LMBR1: variants seen among roughly 807,000 people sequenced by gnomAD.
LMBR1 encodes limb development membrane protein 1, also known as limb region 1 protein homolog.
LMBR1 carries 52 observed loss-of-function variants against 73.9 expected under a neutral mutation model. That is an observed-to-expected ratio of 0.70 (90% CI 0.56 to 0.89). The LOEUF (loss-of-function observed/expected upper bound fraction) is 0.89, where lower values mean the gene tolerates loss of function less well. Among genes scored for constraint, LMBR1 ranks in the 40% least tolerant of loss-of-function variants. LMBR1 has a pLI of 0.00. For missense variants in LMBR1, 539 were observed against 579.8 expected (o/e 0.93, Z 0.72); for synonymous variants, 215 against 209.4 (o/e 1.03, Z -0.23).
In LMBR1 at chr7:156,711,612, G is replaced by T. The variant is rs1319214978; in HGVS notation, c.1225+12500C>A. On this transcript the variant is annotated intron_variant, in intron 15 of 16. Coordinates refer to ENST00000353442, the MANE Select transcript of LMBR1 (RefSeq NM_022458.4). ...ACCTAACTTCAAATTATACAACAAG[G>T]ATACAGTAACCATAAGAGTATGGTA... Among the ~76,000 whole-genome samples the T allele has an allele frequency of 2.6e-5, 4 of 151,994 alleles. No homozygotes were observed. In the East Asian group the frequency reaches 7.7e-4, roughly 29 times the overall value.
intron 1 of LMBR1, among the ~76,000 whole-genome samples, chr7:156,859,714 G>A (rs764014415): frequency 5.9e-5 from 9 of 152,228 alleles, no homozygotes; most frequent in East Asian, 3.9e-4. Context: ...TTGTTAACAC[G>A]TCAGTTCTAC....
intron 1 of LMBR1, among the ~76,000 whole-genome samples, chr7:156,853,318 C>T (rs925589992): frequency 1.3e-5 from 2 of 151,862 alleles, no homozygotes; most frequent in Non-Finnish European, 2.9e-5. Context: ...GTAATAAGCA[C>T]ATTCCTTTCT....
At chr7:156,735,069 C>T (rs879298674) in intron 9 of LMBR1, among the ~76,000 whole-genome samples, 4 of 152,182 alleles carry the variant, frequency 2.6e-5, no homozygotes, top group African/African-American at 4.8e-5. Context: ...CCACTAGAAA[C>T]AGTGTTGCAA....
At chr7:156,744,586 T>C (rs1819518038) in intron 9 of LMBR1, among the ~76,000 whole-genome samples, 1 of 152,208 alleles carries the variant, frequency 6.6e-6, no homozygotes. Context: ...ACTTCACGTC[T>C]ATTTTTCATT....
intron 1 of LMBR1, among the ~76,000 whole-genome samples, chr7:156,838,768 T>C (rs1838120297): frequency 6.6e-6 from 1 of 152,154 alleles, no homozygotes; most frequent in South Asian, 2.1e-4. Context: ...GGCAGCTCTA[T>C]TTTTAATTTT....
At chr7:156,863,195 A>G (rs1437036439) in intron 1 of LMBR1, among the ~76,000 whole-genome samples, 1 of 152,188 alleles carries the variant, frequency 6.6e-6, no homozygotes, top group African/African-American at 2.4e-5. Flanking sequence ...AAGGTCCCAC[A>G]ATAGGCCGTC....
At chr7:156,772,941 T>A (rs771141796) in intron 5 of LMBR1, among the ~76,000 whole-genome samples, 1 of 152,126 alleles carries the variant, frequency 6.6e-6, no homozygotes, top group Non-Finnish European at 1.5e-5. Context: ...GCAGATGATA[T>A]AATTTCATAT....
chr7:156,877,530 A>T (rs1239124204), intron 1 of LMBR1, among the ~76,000 whole-genome samples: 1 of 152,186 alleles, frequency 6.6e-6, no homozygotes, highest in Non-Finnish European at 1.5e-5. Context: ...CCAAAAACAT[A>T]TCAAAAAGGT....
intron 5 of LMBR1, among the ~76,000 whole-genome samples, chr7:156,767,036 T>G (rs1464037897): frequency 6.6e-6 from 1 of 152,194 alleles, no homozygotes; most frequent in Non-Finnish European, 1.5e-5. Context: ...CGCGCCTTGC[T>G]TAACGGTGTG....
chr7:156,721,155 T>G (rs1233363206), intron 15 of LMBR1, among the ~76,000 whole-genome samples: 2 of 152,106 alleles, frequency 1.3e-5, no homozygotes, highest in African/African-American at 4.8e-5. Flanking sequence ...CAAATTGTAT[T>G]TGGACACTAA....
At chr7:156,743,889 C>T (rs1243404112) in intron 9 of LMBR1, among the ~76,000 whole-genome samples, 3 of 152,168 alleles carry the variant, frequency 2.0e-5, no homozygotes, top group African/African-American at 7.2e-5. Context: ...CCCACCCATG[C>T]CCCCAACTCC....
chr7:156,770,193 C>CT (rs965948858), intron 5 of LMBR1, among the ~76,000 whole-genome samples: 5 of 151,348 alleles, frequency 3.3e-5, no homozygotes, highest in South Asian at 2.1e-4. Context: ...GTATGTCTAT[C>CT]TTTTTTTTTA....
chr7:156,720,669 T>C (rs920845887), intron 15 of LMBR1, among the ~76,000 whole-genome samples: 1 of 151,490 alleles, frequency 6.6e-6, no homozygotes, highest in Non-Finnish European at 1.5e-5. Context: ...TAAAGTTAAA[T>C]AATAAAGTTA....
chr7:156,793,380 A>T (rs536796248), intron 5 of LMBR1, among the ~76,000 whole-genome samples: 29 of 152,354 alleles, frequency 1.9e-4, no homozygotes, highest in African/African-American at 6.3e-4. Flanking sequence ...GAAAAATATG[A>T]ATATTTTAAA....
chr7:156,853,999 A>C (rs988557086), intron 1 of LMBR1, among the ~76,000 whole-genome samples: 24 of 151,666 alleles, frequency 1.6e-4, no homozygotes, highest in Admixed American at 1.5e-3. Flanking sequence ...ACCTATATAC[A>C]TCATATGCCA....
chr7:156,675,662 G>A (rs753282723), downstream of LMBR1: 10 of 1,594,606 alleles, frequency 6.3e-6, no homozygotes, highest in Non-Finnish European at 7.7e-6. Flanking sequence ...ACCGAGCTCA[G>A]GTGTGAGCTT....
At position 156,763,722 on chromosome 7, in the gene LMBR1, C is replaced by A. The variant is rs1244892651; in HGVS notation, c.497G>T (p.Trp166Leu). Residue 166 changes from tryptophan to leucine, a missense_variant, in exon 6 of 17, where the codon TGG becomes TTG. This residue lies in a region of LMBR1 where 454 missense variants were observed against 473.4 expected (regional missense o/e 0.96). Transcript: ENST00000353442. ...GTTGTCAATGAGTGCTGAAGCTACC[C>A]ACACTATCCCAAGAATGAGTAACGC... The part of the protein sequence containing the change: ...LLALLILGIV[W>L]VASALIDNDA... 6.2e-7 allele frequency: 1 copy of A among 1,605,662 alleles called. No homozygotes were observed. The highest frequency in any genetic ancestry group is 2.3e-5 in the East Asian group (1 of 44,100).
intron 12 of LMBR1, among the ~76,000 whole-genome samples, chr7:156,727,610 G>T (rs1816025478): frequency 6.6e-6 from 1 of 152,150 alleles, no homozygotes; most frequent in African/African-American, 2.4e-5. Flanking sequence ...AAAGACTCAG[G>T]TGGGGGGATC....
chr7:156,799,164 T>C (rs1318717920), intron 4 of LMBR1, among the ~76,000 whole-genome samples: 1 of 150,426 alleles, frequency 6.6e-6, no homozygotes, highest in Admixed American at 6.6e-5. Context: ...ATTGCACCAC[T>C]GCACTACAGC....
Sources: allele counts gnomAD v4.1 joint callset (sites outside exome capture counted in the v4.1 genomes callset), GRCh38; gene constraint gnomAD v4.1.1; regional missense constraint gnomAD v4.1.1; transcripts MANE v1.5; gene names NCBI Gene and HGNC (gene_info 2026-07-23, HGNC 2026-07-21).